The following IMMP2L variants were observed in gnomAD, a reference collection of about 807,000 sequenced individuals.
IMMP2L encodes the protein inner mitochondrial membrane peptidase subunit 2.
IMMP2L carries 18 observed loss-of-function variants against 19.3 expected under a neutral mutation model. The observed-to-expected ratio is 0.93, with a 90% CI of 0.64 to 1.38. IMMP2L has a LOEUF of 1.38. IMMP2L is among the 40% of genes most tolerant of loss of function. The probability of loss-of-function intolerance (pLI) is 0.00; values close to 1 mark genes in which losing one functional copy is unlikely to be tolerated. For missense variants in IMMP2L, 233 were observed against 218.2 expected, an observed-to-expected ratio of 1.07 and a Z score of -0.43; for synonymous variants, 76 against 73.0, an observed-to-expected ratio of 1.04 and a Z score of -0.21.
chr7:111,024,239 T>C (rs1826587337), intron 3 of IMMP2L, among the ~76,000 whole-genome samples: 1 of 152,234 alleles, frequency 6.6e-6, no homozygotes, highest in South Asian at 2.1e-4. Flanking sequence ...ATATTTAAAG[T>C]GTACAACTGG....
intron 5 of IMMP2L, among the ~76,000 whole-genome samples, chr7:110,731,324 TG>T (rs939607704): frequency 6.6e-6 from 1 of 152,148 alleles, no homozygotes; most frequent in Non-Finnish European, 1.5e-5. Context: ...GCTGCCCAAG[TG>T]TGTATAGTGC....
chr7:110,854,964 T>C (rs1327444008), intron 5 of IMMP2L, among the ~76,000 whole-genome samples: 2 of 151,980 alleles, frequency 1.3e-5, no homozygotes, highest in Non-Finnish European at 1.5e-5. Flanking sequence ...TCCTTCTAGA[T>C]GTGTCATATT....
chr7:111,166,813 T>C (rs1805872648), intron 3 of IMMP2L, among the ~76,000 whole-genome samples: 1 of 152,014 alleles, frequency 6.6e-6, no homozygotes, highest in Non-Finnish European at 1.5e-5. Flanking sequence ...GCCTTTATTT[T>C]GCCTATCCAC....
intron 5 of IMMP2L, among the ~76,000 whole-genome samples, chr7:110,713,385 C>G (rs932939104): frequency 6.6e-6 from 1 of 152,122 alleles, no homozygotes; most frequent in African/African-American, 2.4e-5. Flanking sequence ...ATTGTTTTGG[C>G]TATTCGGGCT....
At chr7:111,387,343 C>T (rs37672) in intron 3 of IMMP2L, among the ~76,000 whole-genome samples, 84,888 of 151,934 alleles carry the variant, frequency 0.56, 24,441 homozygotes, top group South Asian at 0.7. Context: ...GCTTTTAAAC[C>T]AGCTTTCTGT....
chr7:110,921,210 C>T (rs1374786345), intron 4 of IMMP2L, among the ~76,000 whole-genome samples: 4 of 152,168 alleles, frequency 2.6e-5, no homozygotes, highest in African/African-American at 9.7e-5. Context: ...ATAGTAGCTA[C>T]ACAAAAATAC....
chr7:111,138,817 T>G (rs1169733853), intron 3 of IMMP2L, among the ~76,000 whole-genome samples: 1 of 152,144 alleles, frequency 6.6e-6, no homozygotes, highest in Non-Finnish European at 1.5e-5. Flanking sequence ...CATTATTTGG[T>G]CACTTGCCTG....
chr7:111,179,371 T>C (rs533842782), intron 3 of IMMP2L, among the ~76,000 whole-genome samples: 2 of 152,170 alleles, frequency 1.3e-5, no homozygotes, highest in African/African-American at 4.8e-5. Context: ...CATTATGAGA[T>C]TTTTTTGCAA....
At chr7:111,266,524 C>A (rs1817854430) in intron 3 of IMMP2L, among the ~76,000 whole-genome samples, 1 of 134,392 alleles carries the variant, frequency 7.4e-6, no homozygotes, top group African/African-American at 2.8e-5. Flanking sequence ...GCCTTGGCAA[C>A]AGAGCAAGAC....
At chr7:111,228,381 T>G (rs1002538980) in intron 3 of IMMP2L, among the ~76,000 whole-genome samples, 1 of 151,452 alleles carries the variant, frequency 6.6e-6, no homozygotes, top group Admixed American at 6.6e-5. Flanking sequence ...TAGGTTCTCA[T>G]TAAAAAAAAA....
At position 110,727,480 on chromosome 7, in the gene IMMP2L, A is replaced by G. The variant is rs1184437187; in HGVS notation, c.409-63759T>C. ...TAGACTAACATTATGGAACTTATCA[A>G]GGAAGAACTTTCCTATCACTGTTTC... On this transcript the variant is annotated intron_variant, in intron 5 of 5. Transcript: ENST00000405709. The surrounding 1 kb of genome is among the most constrained non-coding windows in gnomAD (Gnocchi z 4.3). Among the ~76,000 whole-genome samples, 10 of 152,284 alleles carry G rather than the reference A, an allele frequency of 6.6e-5. No individual in the cohort carries two copies. The East Asian group carries it at 1.7e-3, about 26-fold the overall frequency.
chr7:111,381,155 G>C (rs901454394), intron 3 of IMMP2L, among the ~76,000 whole-genome samples: 1 of 151,946 alleles, frequency 6.6e-6, no homozygotes, highest in South Asian at 2.1e-4. Flanking sequence ...TATTAGTAGG[G>C]TGCAAAGTAC....
chr7:111,456,267 G>C (rs1369764062), intron 3 of IMMP2L, among the ~76,000 whole-genome samples: 1 of 151,888 alleles, frequency 6.6e-6, no homozygotes, highest in Non-Finnish European at 1.5e-5. Context: ...CAAACAAGAT[G>C]GTATCACATA....
chr7:111,043,148 T>C (rs1318202479), intron 3 of IMMP2L, among the ~76,000 whole-genome samples: 7 of 152,178 alleles, frequency 4.6e-5, no homozygotes, highest in East Asian at 1.9e-4. Flanking sequence ...GCCCAACCTG[T>C]AGTAAGTCTC....
chr7:110,842,228 A>G (rs112219009), intron 5 of IMMP2L, among the ~76,000 whole-genome samples: 1 of 152,124 alleles, frequency 6.6e-6, no homozygotes, highest in Non-Finnish European at 1.5e-5. Flanking sequence ...CAGGAAGAAA[A>G]TATTTCAATA....
At chr7:111,263,439 T>C (rs912176712) in intron 3 of IMMP2L, among the ~76,000 whole-genome samples, 1 of 152,112 alleles carries the variant, frequency 6.6e-6, no homozygotes, top group Non-Finnish European at 1.5e-5. Context: ...AGCTATTTGT[T>C]GAAATGAGGA....
chr7:110,845,731 T>C (rs1025658019), intron 5 of IMMP2L, among the ~76,000 whole-genome samples: 2 of 152,144 alleles, frequency 1.3e-5, no homozygotes, highest in African/African-American at 4.8e-5. Flanking sequence ...CACATTGCTA[T>C]GGTCTAAGTG....
At chr7:111,099,102 G>C (rs1797698494) in intron 3 of IMMP2L, among the ~76,000 whole-genome samples, 1 of 151,604 alleles carries the variant, frequency 6.6e-6, no homozygotes, top group Non-Finnish European at 1.5e-5. Flanking sequence ...TGAACTGGCA[G>C]CTTATAACTT....
intron 5 of IMMP2L, among the ~76,000 whole-genome samples, chr7:110,813,462 C>T (rs1802196514): frequency 6.7e-6 from 1 of 150,076 alleles, no homozygotes; most frequent in African/African-American, 2.5e-5. Context: ...GGGTCTTGCT[C>T]TGTCAGCCAG....
Sources: gnomAD v4.1 joint callset for allele counts (sites outside exome capture counted in the v4.1 genomes callset) on GRCh38, gnomAD v4.1.1 for gene constraint, Gnocchi (gnomAD v3.1) non-coding constraint, MANE v1.5 for transcripts, NCBI Gene and HGNC (gene_info 2026-07-23, HGNC 2026-07-21) for gene names.